The following KIF20B variants were observed in gnomAD, a reference collection of about 807,000 sequenced individuals.
KIF20B encodes kinesin family member 20B, also known as kinesin-like protein KIF20B.
KIF20B carries 188 observed loss-of-function variants against 232.5 expected under a neutral mutation model. The ratio of observed to expected loss-of-function variants is 0.81; its 90% CI spans 0.72 to 0.91. The LOEUF (loss-of-function observed/expected upper bound fraction) is 0.91. Ranked by LOEUF, KIF20B falls within the 40% of genes least tolerant of loss-of-function variation. The probability of loss-of-function intolerance (pLI) is 0.00; values close to 1 mark genes in which losing one functional copy is unlikely to be tolerated. For missense variants in KIF20B, 2,154 were observed against 2,055.9 expected (o/e 1.05, Z -0.92); for synonymous variants, 712 against 683.0 (o/e 1.04, Z -0.66).
At chr10:89,705,129 T>C (rs561667618) in intron 1 of KIF20B, among the ~76,000 whole-genome samples, 165 bp from the exon 2 acceptor site, 1 of 152,344 alleles carries the variant, frequency 6.6e-6, no homozygotes, top group East Asian at 1.9e-4. Flanking sequence ...ATTTGATCTT[T>C]AGTCTTTCCT....
chr10:89,745,880 A>G lies in KIF20B; in HGVS notation c.4036-19A>G, dbSNP rs377358061. 1 of 1,511,490 alleles carries G rather than the reference A, an allele frequency of 6.6e-7. No individual in the cohort carries two copies. The highest frequency in any genetic ancestry group is 9.2e-7 in the Non-Finnish European group (1 of 1,086,876). The allele number at this position is 1,511,490 out of a possible 1,614,324, so 93.6% of individuals were successfully genotyped here. On this transcript the variant is annotated intron_variant, in intron 22 of 32. Transcript: ENST00000371728. ...TTTTAAGTTAATTTGCAATTAATTTATATTCTTTCAATTTGTAGGAGCAGT... is the reference window on the plus strand; with the variant it reads ...TTTTAAGTTAATTTGCAATTAATTTGTATTCTTTCAATTTGTAGGAGCAGT...
At chr10:89,770,013 T>G (rs553060139) in intron 31 of KIF20B, among the ~76,000 whole-genome samples, 1 of 152,174 alleles carries the variant, frequency 6.6e-6, no homozygotes, top group African/African-American at 2.4e-5. Flanking sequence ...CACAGTGCCC[T>G]TAATGTCTCA....
intron 31 of KIF20B, among the ~76,000 whole-genome samples, chr10:89,770,174 C>T (rs555489809): frequency 1.2e-4 from 19 of 152,066 alleles, no homozygotes; most frequent in Non-Finnish European, 1.6e-4. Context: ...AATTCAGTAT[C>T]GTTTTGAAAT....
intron 26 of KIF20B, among the ~76,000 whole-genome samples, chr10:89,755,510 C>G (rs1410750710): frequency 7.4e-6 from 1 of 135,986 alleles, no homozygotes; most frequent in Non-Finnish European, 1.5e-5. Flanking sequence ...TCCTTTTCTT[C>G]ATCCTGTCCT....
In KIF20B at chr10:89,738,003, C is replaced by T. The variant is rs762193314; in HGVS notation, c.3162C>T (p.His1054=). The T allele has an allele frequency of 6.8e-6, 11 of 1,613,074 alleles. No individual in the cohort carries two copies. The highest frequency in any genetic ancestry group is 1.3e-5 in the African/African-American group (1 of 74,870). Residue 1054 remains histidine, a synonymous_variant, in exon 20 of 33, where the codon CAC becomes CAT. Transcript: ENST00000371728. ...AACCCAATAGGGAAAATTCTTTCCA[C>T]TCTAGTATTGAAGCTATTTGGGAAG... is the stretch of plus-strand genomic sequence containing the variant. The part of the protein sequence containing the change: ...IQEPNRENSF[H]SSIEAIWEEC...
In KIF20B at chr10:89,726,476, G is replaced by T. The variant is rs1261580176; in HGVS notation, c.2185G>T (p.Gly729Ter). Residue 729 changes from glycine (G) to a stop codon, truncating the protein, a stop_gained, in exon 16 of 33, where the codon GGA (glycine) becomes TGA (stop). Transcript: ENST00000371728. LOFTEE classifies it high-confidence loss of function. The part of the protein sequence containing the change: ...QIKAELAKTK[G>*]ELIKTKEELK... ...TAAAGCTGAATTAGCTAAAACCAAAGGAGAATTAATCAAAACCAAAGAAGA... is the reference window on the plus strand; with the variant it reads ...TAAAGCTGAATTAGCTAAAACCAAATGAGAATTAATCAAAACCAAAGAAGA... 1 of 1,605,458 alleles carries T rather than the reference G, an allele frequency of 6.2e-7. No homozygotes were observed. The highest frequency in any genetic ancestry group is 1.7e-5 in the Admixed American group (1 of 59,336).
In KIF20B at chr10:89,729,122, C is replaced by A. The variant is rs201891272; in HGVS notation, c.2272-6C>A. The A allele has an allele frequency of 2.7e-5, 37 of 1,383,114 alleles. No individual in the cohort carries two copies. The Admixed American group carries it at 1.1e-3, about 40-fold the overall frequency. The allele number at this position is 1,383,114 out of a possible 1,614,324, so 85.7% of individuals were successfully genotyped here. ...CATGAAACATTGCTTTTTCTTCTTT[C>A]CAAAGAAAATAATTACACAGAATCA... On this transcript the variant is annotated splice_polypyrimidine_tract_variant and splice_region_variant and intron_variant, in intron 17 of 32. Coordinates refer to ENST00000371728, the MANE Select transcript of KIF20B (RefSeq NM_001284259.2).
Position 89,738,082 on chromosome 10 carries a change from C to G in KIF20B, c.3241C>G (p.Leu1081Val), listed in dbSNP as rs765556365. ...SSKKSHQIEE[L>V]EQQIEKLQAE... ...CAAAAAAAGTCATCAGATTGAGGAA[C>G]TGGAACAACAAATTGAAAAATTGCA... Residue 1081 changes from leucine (L) to valine (V), a missense_variant, in exon 20 of 33, where the codon CTG becomes GTG. Leu to Val is a conservative substitution (Grantham distance 32). Coordinates refer to ENST00000371728, the MANE Select transcript of KIF20B (RefSeq NM_001284259.2). The G allele has an allele frequency of 1.2e-6, 2 of 1,612,806 alleles. No individual in the cohort carries two copies. The highest frequency in any genetic ancestry group is 1.7e-5 in the Admixed American group (1 of 59,974).
rs1843005462 is a variant in KIF20B, at chr10:89,719,563, G to A, written c.1579G>A (p.Glu527Lys). 4 of 1,613,592 alleles carry A rather than the reference G, an allele frequency of 2.5e-6. No homozygotes were observed. Among genetic ancestry groups the A allele is most frequent in the Non-Finnish European group, 2.5e-6 (3 of 1,179,714 alleles). The change falls in exon 13 of 33, where the codon GAA becomes AAA. Residue 527 changes from glutamate (E) to lysine (K), a missense_variant. Coordinates refer to ENST00000371728, the MANE Select transcript of KIF20B (RefSeq NM_001284259.2). ...RATISWENSLEDLMEDEDLVE... is the reference protein window; with the variant it reads ...RATISWENSLKDLMEDEDLVE... Reference sequence around the variant, plus strand: ...CACCATTTCATGGGAAAATAGTCTAGAAGATTTGATGGAAGACGAGGATTT... The same window carrying A: ...CACCATTTCATGGGAAAATAGTCTAAAAGATTTGATGGAAGACGAGGATTT...
In KIF20B at chr10:89,705,990, G is replaced by A. The variant is rs117035769; in HGVS notation, c.147+549G>A. 1.4e-4 allele frequency among the ~76,000 whole-genome samples: 22 copies of A among 152,284 alleles called. No individual in the cohort carries two copies. In the East Asian group the frequency reaches 4.2e-3, roughly 29 times the overall value. On this transcript the variant is annotated intron_variant, in intron 2 of 32. Transcript: ENST00000371728. ...AAATAATGCTGCTTTGAACATTCAT[G>A]TGCAAGCCTTTTTGTGAACTTGTGT...
chr10:89,709,560 G>A, intron 4 of KIF20B, 99 bp downstream of exon 4: 1 of 741,322 alleles, frequency 1.3e-6, no homozygotes, highest in South Asian at 2.0e-5. Flanking sequence ...TACATTTTAT[G>A]CTTATGCAAC....
chr10:89,737,731 T>C lies in KIF20B; in HGVS notation c.2890T>C (p.Leu964=). Residue 964 remains leucine, a synonymous_variant, in exon 20 of 33, where the codon TTG becomes CTG. Coordinates refer to ENST00000371728, the MANE Select transcript of KIF20B (RefSeq NM_001284259.2). The part of the protein sequence containing the change: ...NQEQEEKIMK[L]SNEIETATRS... The stretch of plus-strand genomic sequence containing the variant: ...AGAACAGGAGGAAAAGATCATGAAA[T>C]TGTCAAATGAGATAGAAACTGCTAC... 1 of 1,612,496 alleles carries C rather than the reference T, an allele frequency of 6.2e-7. No individual in the cohort carries two copies. The highest frequency in any genetic ancestry group is 8.5e-7 in the Non-Finnish European group (1 of 1,179,286).
At chr10:89,731,227 T>C (rs1368999142) in intron 18 of KIF20B, among the ~76,000 whole-genome samples, 1 of 152,174 alleles carries the variant, frequency 6.6e-6, no homozygotes, top group Admixed American at 6.6e-5. Context: ...AAGAAAATAG[T>C]TGGAAATTTC....
intron 23 of KIF20B, among the ~76,000 whole-genome samples, chr10:89,751,076 A>C (rs1054810031): frequency 2.0e-5 from 3 of 152,088 alleles, no homozygotes; most frequent in African/African-American, 7.2e-5. Flanking sequence ...AGAAATTGTT[A>C]ATTTTACCTG....
rs1301847520 is a variant in KIF20B, at chr10:89,757,040, G to GTGTATATATATATATATATA, written c.4504-1665_4504-1664insGTATATATATATATATATAT. Reference sequence around the variant, plus strand: ...ATCTCTGTTGTGTGTGTGTGTGTGTGTATATATATATATATATATATATAT... The same window carrying GTGTATATATATATATATATA: ...ATCTCTGTTGTGTGTGTGTGTGTGTGTGTATATATATATATATATATATATATATATATATATATATATAT... On this transcript the variant is annotated intron_variant, in intron 26 of 32. Transcript: ENST00000371728. 1.2e-3 allele frequency among the ~76,000 whole-genome samples: 128 copies of GTGTATATATATATATATATA among 110,680 alleles called. 1 individual carries two copies. The highest frequency in any genetic ancestry group is 2.2e-3 in the South Asian group (7 of 3,178). 72.6% of individuals were successfully genotyped at this position (110,680 alleles called of 152,430 possible).
At position 89,738,561 on chromosome 10, in the gene KIF20B, A is replaced by G. The variant is rs1886998; in HGVS notation, c.3720A>G (p.Lys1240=). The change falls in exon 20 of 33, where the codon AAA becomes AAG. Residue 1240 remains lysine, a synonymous_variant. Transcript: ENST00000371728. ...TAACAAATAATTTGCAAGATATGAA[A>G]CATTTACTTCAATTAAAAGAAGAAG... is the stretch of plus-strand genomic sequence containing the variant. ...TQLTNNLQDM[K]HLLQLKEEEE... is the part of the protein sequence containing the mutation. The G allele has an allele frequency of 0.26, 406,991 of 1,575,340 alleles. 56,913 individuals are homozygous for G. Among genetic ancestry groups the G allele is most frequent in the African/African-American group, 0.47 (34,417 of 72,698 alleles).
At chr10:89,726,658 T>G in intron 16 of KIF20B, 137 bp downstream of exon 16, 1 of 690,820 alleles carries the variant, frequency 1.4e-6, no homozygotes, top group Non-Finnish European at 2.1e-6. Flanking sequence ...ATTTTAATAT[T>G]TTACCATTTG....
At position 89,754,632 on chromosome 10, in the gene KIF20B, G is replaced by A. The variant is rs1389830656; in HGVS notation, c.4462G>A (p.Ala1488Thr). ...NIRNKEMKKY[A>T]EDRERFFKQQ... ...ACGAAATAAAGAGATGAAAAAATAT[G>A]CTGAGGACAGGGAGCGTTTTTTTAA... is the stretch of plus-strand genomic sequence containing the variant. Residue 1488 changes from alanine (A) to threonine (T), a missense_variant, in exon 26 of 33, where the codon GCT becomes ACT. Transcript: ENST00000371728. 6.2e-7 allele frequency: 1 copy of A among 1,600,734 alleles called. No homozygotes were observed. Among genetic ancestry groups the A allele is most frequent in the Admixed American group, 1.7e-5 (1 of 57,894 alleles).
chr10:89,743,546 G>A (rs1841849172), intron 21 of KIF20B, among the ~76,000 whole-genome samples: 1 of 152,058 alleles, frequency 6.6e-6, no homozygotes, highest in Non-Finnish European at 1.5e-5. Flanking sequence ...TCTTTTTTGA[G>A]AGAACTTAAA....
Sources: allele counts gnomAD v4.1 joint callset (sites outside exome capture counted in the v4.1 genomes callset), GRCh38; gene constraint gnomAD v4.1.1; transcripts MANE v1.5; gene names NCBI Gene and HGNC (gene_info 2026-07-23, HGNC 2026-07-21).